CALCR: variants seen among roughly 807,000 people sequenced by gnomAD.
CALCR encodes the protein calcitonin receptor.
A neutral mutation model predicts 59.5 loss-of-function variants in CALCR; 47 were observed. That is an observed-to-expected ratio of 0.79 (90% CI 0.63 to 1.01). The LOEUF is 1.01. Ranked by LOEUF, CALCR falls within the 50% of genes least tolerant of loss-of-function variation. The pLI, the probability that CALCR is intolerant of heterozygous loss-of-function variation, is 0.00. For missense variants in CALCR, 566 were observed against 597.1 expected, an observed-to-expected ratio of 0.95 and a Z score of 0.54; for synonymous variants, 213 against 211.3, an observed-to-expected ratio of 1.01 and a Z score of -0.07.
At chr7:93,540,619 T>C (rs1268419045) in intron 2 of CALCR, among the ~76,000 whole-genome samples, 1 of 151,396 alleles carries the variant, frequency 6.6e-6, no homozygotes, top group Non-Finnish European at 1.5e-5. Context: ...TTTGTATTTG[T>C]TTTATCTCTA....
chr7:93,440,545 C>CTGTG (rs71528068), intron 9 of CALCR, among the ~76,000 whole-genome samples: 71,226 of 150,178 alleles, frequency 0.47, 16,970 homozygotes, highest in Admixed American at 0.56. Context: ...GTGTGTGTGT[C>CTGTG]TGTGTGTGTG....
chr7:93,567,616 A>G (rs1789895024), intron 2 of CALCR, among the ~76,000 whole-genome samples: 1 of 152,108 alleles, frequency 6.6e-6, no homozygotes, highest in African/African-American at 2.4e-5. Context: ...TTTGTTACAT[A>G]GGTATACATG....
chr7:93,483,492 T>G lies in CALCR; in HGVS notation c.51+3439A>C, dbSNP rs541300522. Among the ~76,000 whole-genome samples the G allele has an allele frequency of 4.4e-5, 6 of 135,614 alleles. No homozygotes were observed. The South Asian group carries it at 1.5e-3, about 34-fold the overall frequency. The allele number at this position is 135,614 out of a possible 152,430, so 89.0% of individuals were successfully genotyped here. A position where few individuals can be genotyped will look rare whatever the true frequency, so the allele number is the denominator to read the frequency against. On this transcript the variant is annotated intron_variant, in intron 3 of 13. Coordinates refer to ENST00000426151, the MANE Select transcript of CALCR (RefSeq NM_001742.4). ...AGATAGATATAAACATATAAATATA[T>G]GTATATGTATGATTTTATGTATATT...
intron 2 of CALCR, among the ~76,000 whole-genome samples, chr7:93,497,416 A>G (rs889713828): frequency 6.6e-6 from 1 of 151,530 alleles, no homozygotes; most frequent in African/African-American, 2.4e-5. Flanking sequence ...TCTTACATAC[A>G]TGTTCTTTGA....
intron 13 of CALCR, among the ~76,000 whole-genome samples, chr7:93,428,982 T>C (rs1799592057): frequency 6.6e-6 from 1 of 152,210 alleles, no homozygotes. Context: ...CCTTTTAAAA[T>C]AACTCCCATA....
intron 4 of CALCR, among the ~76,000 whole-genome samples, chr7:93,478,245 A>AAT (rs1209344884): frequency 6.6e-6 from 1 of 151,878 alleles, no homozygotes. Flanking sequence ...ACAGAAGAAT[A>AAT]ATATGTATCT....
At chr7:93,556,818 A>G (rs148917474) in intron 2 of CALCR, among the ~76,000 whole-genome samples, 1 of 152,152 alleles carries the variant, frequency 6.6e-6, no homozygotes, top group East Asian at 1.9e-4. Context: ...CATTTAGGCA[A>G]TATCCGTCTT....
chr7:93,446,560 G>A (rs1800009706), intron 8 of CALCR, among the ~76,000 whole-genome samples: 1 of 151,978 alleles, frequency 6.6e-6, no homozygotes, highest in South Asian at 2.1e-4. Context: ...CAGGAACTAA[G>A]CTAGCTCTGG....
At chr7:93,494,399 C>T (rs1282016684) in intron 2 of CALCR, among the ~76,000 whole-genome samples, 3 of 151,406 alleles carry the variant, frequency 2.0e-5, no homozygotes, top group African/African-American at 7.3e-5. Flanking sequence ...CCACACATGA[C>T]ATTTACACAT....
chr7:93,533,511 G>A (rs188885951), intron 2 of CALCR, among the ~76,000 whole-genome samples: 6 of 152,046 alleles, frequency 3.9e-5, no homozygotes, highest in Admixed American at 3.3e-4. Flanking sequence ...ACCAATAGGA[G>A]GGATGAAGCA....
intron 3 of CALCR, among the ~76,000 whole-genome samples, chr7:93,481,801 T>A (rs1173958680): frequency 6.6e-6 from 1 of 151,892 alleles, no homozygotes; most frequent in East Asian, 1.9e-4. Context: ...GAGAAAGTAA[T>A]GAACCCATAA....
chr7:93,475,019 T>C (rs1275835003), intron 5 of CALCR, among the ~76,000 whole-genome samples: 1 of 151,650 alleles, frequency 6.6e-6, no homozygotes. Context: ...TCTGATAATA[T>C]TTAAAATAAT....
chr7:93,471,361 T>C (rs537806724), intron 6 of CALCR, among the ~76,000 whole-genome samples: 11 of 151,928 alleles, frequency 7.2e-5, no homozygotes, highest in Non-Finnish European at 1.6e-4. Context: ...GACTAAACCA[T>C]TTGTAAAGAG....
intron 5 of CALCR, among the ~76,000 whole-genome samples, chr7:93,474,721 A>G (rs1204336619): frequency 6.6e-6 from 1 of 151,772 alleles, no homozygotes; most frequent in Non-Finnish European, 1.5e-5. Flanking sequence ...CTAGATTGGT[A>G]TAATATGCAG....
At position 93,442,550 on chromosome 7, in the gene CALCR, G is replaced by T. The variant is rs574883400; in HGVS notation, c.802+1054C>A. Among the ~76,000 whole-genome samples, 16 of 152,308 alleles carry T rather than the reference G, an allele frequency of 1.1e-4. 1 individual carries two copies. The South Asian group carries it at 3.3e-3, about 32-fold the overall frequency. On this transcript the variant is annotated intron_variant, in intron 9 of 13. Coordinates refer to ENST00000426151, the MANE Select transcript of CALCR (RefSeq NM_001742.4). Reference sequence around the variant, plus strand: ...TTCTATAAAGTTGGCGACAATGCCTGTTGGGCAGGGCTTTAAATACAAAAG... The same window carrying T: ...TTCTATAAAGTTGGCGACAATGCCTTTTGGGCAGGGCTTTAAATACAAAAG...
At position 93,481,850 on chromosome 7, in the gene CALCR, T is replaced by C. The variant is rs929973893; in HGVS notation, c.52-2343A>G. On this transcript the variant is annotated intron_variant, in intron 3 of 13. Transcript: ENST00000426151. ...TGTGCAAATCCTTTACCAGTGTAGC[T>C]GAACACAATTCTTTTGATATATGAC... Among the ~76,000 whole-genome samples the C allele has an allele frequency of 2.0e-5, 3 of 151,908 alleles. No homozygotes were observed. In the South Asian group the frequency reaches 6.2e-4, roughly 31 times the overall value.
At chr7:93,553,697 ATGAG>A (rs2116237440) in intron 2 of CALCR, among the ~76,000 whole-genome samples, 1 of 152,226 alleles carries the variant, frequency 6.6e-6, no homozygotes, top group African/African-American at 2.4e-5. Flanking sequence ...TGATGATTCT[ATGAG>A]TGAGTACATG....
At chr7:93,469,058 G>C (rs546948312) in intron 6 of CALCR, among the ~76,000 whole-genome samples, 27 of 151,724 alleles carry the variant, frequency 1.8e-4, no homozygotes, top group Non-Finnish European at 3.4e-4. Context: ...ATATATTTCA[G>C]AAGTAGCTTT....
intron 2 of CALCR, among the ~76,000 whole-genome samples, chr7:93,553,422 G>T (rs190620406): frequency 6.6e-6 from 1 of 152,186 alleles, no homozygotes; most frequent in Non-Finnish European, 1.5e-5. Flanking sequence ...TTACATGAAC[G>T]TTCTGTGGTG....
Sources: gnomAD v4.1 joint callset for allele counts (sites outside exome capture counted in the v4.1 genomes callset) on GRCh38, gnomAD v4.1.1 for gene constraint, MANE v1.5 for transcripts, NCBI Gene and HGNC (gene_info 2026-07-23, HGNC 2026-07-21) for gene names.